CACNA2D1: variants seen among roughly 807,000 people sequenced by gnomAD.
The protein encoded by CACNA2D1 is calcium voltage-gated channel auxiliary subunit alpha2delta 1.
CACNA2D1 carries 53 observed loss-of-function variants against 171.5 expected under a neutral mutation model. That is an observed-to-expected ratio of 0.31 (90% CI 0.25 to 0.39). The LOEUF is 0.39. Among genes scored for constraint, CACNA2D1 ranks in the 10% least tolerant of loss-of-function variants. The pLI is 1.00. For synonymous variants in CACNA2D1, 442 were observed against 443.1 expected (o/e 1.00, Z 0.03); for missense variants, 903 against 1,299.8 (o/e 0.69, Z 4.69).
chr7:82,361,626 A>G (rs535279466), intron 1 of CACNA2D1, among the ~76,000 whole-genome samples: 24 of 152,268 alleles, frequency 1.6e-4, no homozygotes, highest in African/African-American at 5.8e-4. Context: ...ATTTTTTAAA[A>G]TATTAAAATA....
At chr7:82,284,693 A>C (rs1810535923) in intron 3 of CACNA2D1, among the ~76,000 whole-genome samples, 1 of 152,164 alleles carries the variant, frequency 6.6e-6, no homozygotes, top group South Asian at 2.1e-4. Context: ...AATGGCATCC[A>C]GGAGAGCAGA....
intron 1 of CACNA2D1, among the ~76,000 whole-genome samples, chr7:82,369,257 A>T (rs987476350): frequency 6.6e-6 from 1 of 152,014 alleles, no homozygotes; most frequent in African/African-American, 2.4e-5. Context: ...ACATAGTAGG[A>T]ATTCATTAAG....
At chr7:82,124,840 T>C (rs1284153249) in intron 5 of CACNA2D1, among the ~76,000 whole-genome samples, 1 of 152,128 alleles carries the variant, frequency 6.6e-6, no homozygotes, top group African/African-American at 2.4e-5. Flanking sequence ...ACTTCATCAA[T>C]GTTTGATACC....
intron 1 of CACNA2D1, among the ~76,000 whole-genome samples, chr7:82,439,828 A>C (rs1278578643): frequency 6.6e-6 from 1 of 151,802 alleles, no homozygotes; most frequent in Non-Finnish European, 1.5e-5. Flanking sequence ...AAAGTTTATT[A>C]ATGTTCACTG....
At chr7:82,420,269 T>C (rs1486217888) in intron 1 of CACNA2D1, among the ~76,000 whole-genome samples, 1 of 152,222 alleles carries the variant, frequency 6.6e-6, no homozygotes, top group Non-Finnish European at 1.5e-5. Context: ...ACAAGTTCTA[T>C]AAAATTAAAA....
intron 6 of CACNA2D1, among the ~76,000 whole-genome samples, chr7:82,111,727 G>A (rs532883984): frequency 1.4e-3 from 211 of 151,758 alleles, no homozygotes; most frequent in Non-Finnish European, 2.3e-3. Flanking sequence ...GGGATTACAG[G>A]CATGAGCCAC....
At chr7:81,968,999 C>T in intron 28 of CACNA2D1, 26 bp from the exon 29 acceptor site, 1 of 1,194,246 alleles carries the variant, frequency 8.4e-7, no homozygotes, top group Non-Finnish European at 1.2e-6. Context: ...ATAAATAAAA[C>T]ACCTATCAAG....
chr7:82,276,504 T>G (rs964518567), intron 3 of CACNA2D1, among the ~76,000 whole-genome samples: 1 of 152,172 alleles, frequency 6.6e-6, no homozygotes, highest in South Asian at 2.1e-4. Context: ...CAGGTAGCAA[T>G]GTAAACTATG....
chr7:82,391,641 A>G (rs551218438), intron 1 of CACNA2D1, among the ~76,000 whole-genome samples: 1 of 152,300 alleles, frequency 6.6e-6, no homozygotes, highest in Non-Finnish European at 1.5e-5. Context: ...ATTCAAAGGA[A>G]GCAGAAAGCA....
At chr7:82,100,599 G>A (rs1262834234) in intron 6 of CACNA2D1, among the ~76,000 whole-genome samples, 1 of 152,008 alleles carries the variant, frequency 6.6e-6, no homozygotes, top group Non-Finnish European at 1.5e-5. Context: ...TTATTTTCTA[G>A]CTTAAGAAAC....
chr7:82,182,562 GT>G (rs953526809), intron 3 of CACNA2D1, among the ~76,000 whole-genome samples: 18 of 147,490 alleles, frequency 1.2e-4, no homozygotes, highest in Non-Finnish European at 1.8e-4. Flanking sequence ...TTTTTTCTGC[GT>G]TTTTTTTTTA....
At chr7:82,148,025 GATA>G (rs1793345953) in intron 4 of CACNA2D1, among the ~76,000 whole-genome samples, 1 of 152,072 alleles carries the variant, frequency 6.6e-6, no homozygotes, top group South Asian at 2.1e-4. Context: ...TGCAGATACA[GATA>G]ATATTAATAT....
At chr7:82,384,943 T>A (rs962316523) in intron 1 of CACNA2D1, among the ~76,000 whole-genome samples, 3 of 152,236 alleles carry the variant, frequency 2.0e-5, no homozygotes, top group Non-Finnish European at 4.4e-5. Flanking sequence ...AAATGGAGCA[T>A]AAATCACATT....
intron 9 of CACNA2D1, 53 bp from the exon 10 acceptor site, chr7:82,060,580 GAAC>G: frequency 9.7e-7 from 1 of 1,035,760 alleles, no homozygotes; most frequent in Non-Finnish European, 1.5e-6. Flanking sequence ...ATTTAATCAA[GAAC>G]ATCATAAGGA....
intron 5 of CACNA2D1, among the ~76,000 whole-genome samples, chr7:82,123,946 T>C (rs1217661488): frequency 6.6e-6 from 1 of 152,036 alleles, no homozygotes. Context: ...AATCAGTATA[T>C]ATATGTATAT....
intron 4 of CACNA2D1, among the ~76,000 whole-genome samples, chr7:82,138,431 GT>G (rs1281649581): frequency 2.7e-5 from 2 of 74,108 alleles, no homozygotes; most frequent in African/African-American, 1.2e-4. Context: ...CATTAGTTTT[GT>G]TTTTTTTGTT....
chr7:81,950,204 A>G lies in CACNA2D1; in HGVS notation c.*188T>C. ...ATGATGCAGCATTCACACACGTTTA[A>G]GGATCTGACACCCTGACATGCAGCC... On this transcript the variant is annotated 3_prime_UTR_variant, in exon 39 of 39. Coordinates refer to ENST00000356860, the MANE Select transcript of CACNA2D1 (RefSeq NM_000722.4). The G allele has an allele frequency of 1.1e-6, 1 of 943,982 alleles. No homozygotes were observed. The highest frequency in any genetic ancestry group is 1.6e-6 in the Non-Finnish European group (1 of 632,254). 58.5% of individuals were successfully genotyped at this position (943,982 alleles called of 1,614,324 possible).
intron 12 of CACNA2D1, among the ~76,000 whole-genome samples, chr7:82,020,470 T>C (rs1312908880): frequency 6.6e-6 from 1 of 152,112 alleles, no homozygotes; most frequent in Non-Finnish European, 1.5e-5. Context: ...TTATTCCAGT[T>C]GTAAGTGAAA....
chr7:82,392,457 G>A (rs191946112), intron 1 of CACNA2D1, among the ~76,000 whole-genome samples: 19 of 152,258 alleles, frequency 1.2e-4, no homozygotes, highest in African/African-American at 2.6e-4. Flanking sequence ...ACAAGAACTC[G>A]AGAACCATCA....
Sources: allele counts gnomAD v4.1 joint callset (sites outside exome capture counted in the v4.1 genomes callset), GRCh38; gene constraint gnomAD v4.1.1; transcripts MANE v1.5; gene names NCBI Gene and HGNC (gene_info 2026-07-23, HGNC 2026-07-21).